DNAH6: variants seen among roughly 807,000 people sequenced by gnomAD.
DNAH6 encodes axonemal beta dynein heavy chain 6.
In DNAH6, 340 loss-of-function variants were observed where a neutral mutation model predicts 491.4. The ratio of observed to expected loss-of-function variants is 0.69; its 90% CI spans 0.63 to 0.76. The LOEUF (loss-of-function observed/expected upper bound fraction) is 0.76, where lower values mean the gene tolerates loss of function less well. Ranked by LOEUF, DNAH6 falls within the 30% of genes least tolerant of loss-of-function variation. The pLI is 0.00. For missense variants in DNAH6, 4,443 were observed against 4,972.2 expected (o/e 0.89, Z 3.20); for synonymous variants, 1,603 against 1,686.1 (o/e 0.95, Z 1.21).
the DNAH6 span, among the ~76,000 whole-genome samples, chr2:84,464,426 T>C: frequency 6.6e-6 from 1 of 152,222 alleles, no homozygotes; most frequent in African/African-American, 2.4e-5. Context: ...ACAGTGGTCC[T>C]GATCCAGATC....
intron 32 of DNAH6, among the ~76,000 whole-genome samples, chr2:84,641,637 G>A (rs1689414631): frequency 6.6e-6 from 1 of 152,200 alleles, no homozygotes; most frequent in Non-Finnish European, 1.5e-5. Flanking sequence ...TCTGGGCAGG[G>A]AGAAAAGAAA....
intron 50 of DNAH6, 119 bp downstream of exon 50, chr2:84,703,681 A>T: frequency 1.1e-6 from 1 of 952,244 alleles, no homozygotes; most frequent in Non-Finnish European, 1.4e-6. Flanking sequence ...TAAGTGATAG[A>T]TTTAGCAAAG....
intron 11 of DNAH6, among the ~76,000 whole-genome samples, chr2:84,565,269 C>T (rs1573035437): frequency 6.6e-6 from 1 of 151,488 alleles, no homozygotes; most frequent in East Asian, 1.9e-4. Flanking sequence ...TTTAGTAGAA[C>T]TGGTACCAGC....
chr2:84,618,932 G>T (rs7583445), intron 23 of DNAH6, among the ~76,000 whole-genome samples: 6,184 of 152,206 alleles, frequency 0.041, 410 homozygotes, highest in African/African-American at 0.14. Flanking sequence ...CGTCTGCATG[G>T]CTGTGTGACA....
At chr2:84,690,482 G>A (rs766809461) in intron 45 of DNAH6, among the ~76,000 whole-genome samples, 4 of 152,144 alleles carry the variant, frequency 2.6e-5, no homozygotes, top group Non-Finnish European at 5.9e-5. Context: ...AAAAATAATG[G>A]CAGCATTTTG....
intron 58 of DNAH6, among the ~76,000 whole-genome samples, chr2:84,716,490 C>G (rs914015516): frequency 1.3e-5 from 2 of 152,088 alleles, no homozygotes; most frequent in Non-Finnish European, 2.9e-5. Flanking sequence ...CAAGATCGTC[C>G]TGACTTACCT....
chr2:84,510,146 C>T, the DNAH6 span, among the ~76,000 whole-genome samples: 4 of 152,162 alleles, frequency 2.6e-5, no homozygotes, highest in African/African-American at 9.7e-5. Flanking sequence ...GGGAAGTTTT[C>T]CTGGATAATA....
the DNAH6 span, among the ~76,000 whole-genome samples, chr2:84,485,166 A>G: frequency 2.0e-5 from 3 of 152,170 alleles, no homozygotes; most frequent in Admixed American, 6.5e-5. Context: ...TAAAACAATA[A>G]TGTGTTGAAT....
intron 62 of DNAH6, among the ~76,000 whole-genome samples, chr2:84,737,799 T>C (rs1699642960): frequency 6.6e-6 from 1 of 152,126 alleles, no homozygotes; most frequent in Non-Finnish European, 1.5e-5. Flanking sequence ...TCATTGATCC[T>C]TTGTATGGTT....
chr2:84,478,736 G>A, the DNAH6 span, among the ~76,000 whole-genome samples: 1 of 152,094 alleles, frequency 6.6e-6, no homozygotes, highest in Admixed American at 6.6e-5. Flanking sequence ...TTTGTTATAG[G>A]CCCAACAACA....
At chr2:84,768,740 A>C (rs1675330745) in intron 64 of DNAH6, among the ~76,000 whole-genome samples, 2 of 152,210 alleles carry the variant, frequency 1.3e-5, no homozygotes, top group Non-Finnish European at 2.9e-5. Context: ...CAATATTGTA[A>C]AGATATCAGT....
chr2:84,645,423 A>AAAT (rs372833653), intron 33 of DNAH6, among the ~76,000 whole-genome samples: 2,211 of 152,002 alleles, frequency 0.015, 68 homozygotes, highest in African/African-American at 0.05. Flanking sequence ...CTGTCTCAAA[A>AAAT]AATAATAATA....
rs1386670081 is a variant in DNAH6 at position 84,727,701 on chromosome 2, G to A, written c.10005G>A (p.Lys3335=). 3 of 1,550,884 alleles carry A rather than the reference G, an allele frequency of 1.9e-6. No homozygotes were observed. In the East Asian group the frequency reaches 7.3e-5, roughly 38 times the overall value. Residue 3335 remains lysine (K), a synonymous_variant, in exon 61 of 77, where the codon AAG becomes AAA. Transcript: ENST00000389394. ...LFNTTIETSV[K]TENLQQRLDV... ...ATACCACCATTGAAACTTCTGTAAA[G>A]ACAGAAAATCTACAACAGCGCCTGG...
the DNAH6 span, among the ~76,000 whole-genome samples, chr2:84,484,801 G>T: frequency 6.6e-6 from 1 of 152,184 alleles, no homozygotes; most frequent in Non-Finnish European, 1.5e-5. Flanking sequence ...CATGGTCACA[G>T]ATTCCACAGA....
intron 63 of DNAH6, among the ~76,000 whole-genome samples, chr2:84,761,087 A>G (rs1674533649): frequency 6.6e-6 from 1 of 152,228 alleles, no homozygotes; most frequent in African/African-American, 2.4e-5. Context: ...TCAATGGATG[A>G]CTGGATAAAG....
chr2:84,751,388 T>C (rs978786444), intron 63 of DNAH6, among the ~76,000 whole-genome samples: 4 of 152,188 alleles, frequency 2.6e-5, no homozygotes, highest in Non-Finnish European at 5.9e-5. Context: ...AACTGCTCTA[T>C]TGGGAGAAGG....
the DNAH6 span, among the ~76,000 whole-genome samples, chr2:84,477,652 T>C: frequency 6.6e-6 from 1 of 152,202 alleles, no homozygotes; most frequent in Non-Finnish European, 1.5e-5. Context: ...CTAAGTTATT[T>C]CTTTCCTGAG....
chr2:84,733,387 A>G, intron 61 of DNAH6, 57 bp from the exon 62 acceptor site: 1 of 1,470,732 alleles, frequency 6.8e-7, no homozygotes, highest in East Asian at 2.5e-5. Context: ...GGACAAAGTG[A>G]AAGTATATTT....
chr2:84,548,521 G>A (rs532962134), intron 8 of DNAH6, 104 bp downstream of exon 8: 14 of 1,275,952 alleles, frequency 1.1e-5, no homozygotes, highest in East Asian at 2.3e-5. Flanking sequence ...CATAACTGAA[G>A]TAATCATATC....
Sources: gnomAD v4.1 joint callset for allele counts (sites outside exome capture counted in the v4.1 genomes callset) on GRCh38, gnomAD v4.1.1 for gene constraint, MANE v1.5 for transcripts, NCBI Gene and HGNC (gene_info 2026-07-23, HGNC 2026-07-21) for gene names.